SGMS1: variants seen among roughly 807,000 people sequenced by gnomAD.
SGMS1 encodes the protein sphingomyelin synthase 1, also known as phosphatidylcholine:ceramide cholinephosphotransferase 1.
A neutral mutation model predicts 46.2 loss-of-function variants in SGMS1; 13 were observed. That is an observed-to-expected ratio of 0.28 (90% confidence interval 0.18 to 0.45). The LOEUF (loss-of-function observed/expected upper bound fraction) is 0.45, where lower values mean the gene tolerates loss of function less well. Ranked by LOEUF, SGMS1 falls within the 20% of genes least tolerant of loss-of-function variation. SGMS1 has a pLI of 1.00. For missense variants in SGMS1, 324 were observed against 519.9 expected, an observed-to-expected ratio of 0.62 and a Z score of 3.66; for synonymous variants, 203 against 187.8, an observed-to-expected ratio of 1.08 and a Z score of -0.66.
chr10:50,583,959 C>G (rs567837255), intron 2 of SGMS1, among the ~76,000 whole-genome samples: 1 of 152,168 alleles, frequency 6.6e-6, no homozygotes, highest in Non-Finnish European at 1.5e-5. Context: ...TGCCACAGAA[C>G]AAGGAATCTG....
intron 8 of SGMS1, among the ~76,000 whole-genome samples, chr10:50,316,907 C>T (rs1266389231): frequency 6.6e-6 from 1 of 152,178 alleles, no homozygotes; most frequent in Non-Finnish European, 1.5e-5. Flanking sequence ...TATGCCACTT[C>T]CCCAATTTCA....
intron 8 of SGMS1, among the ~76,000 whole-genome samples, chr10:50,323,581 C>G (rs962850253): frequency 6.6e-6 from 1 of 152,192 alleles, no homozygotes; most frequent in African/African-American, 2.4e-5. Flanking sequence ...TATTTTCCAG[C>G]CTGATGTTTC....
At chr10:50,468,348 G>A (rs1022818780) in intron 3 of SGMS1, among the ~76,000 whole-genome samples, 1 of 152,158 alleles carries the variant, frequency 6.6e-6, no homozygotes, top group Non-Finnish European at 1.5e-5. Flanking sequence ...TACAGAATAT[G>A]CTGTTTTGTC....
At chr10:50,355,399 C>T (rs1474138296) in intron 6 of SGMS1, among the ~76,000 whole-genome samples, 4 of 152,226 alleles carry the variant, frequency 2.6e-5, no homozygotes, top group Non-Finnish European at 5.9e-5. Context: ...CTCAGCCTGC[C>T]CGGTGCCTGG....
chr10:50,587,224 T>G (rs1464305451), intron 2 of SGMS1, among the ~76,000 whole-genome samples: 1 of 128,358 alleles, frequency 7.8e-6, no homozygotes, highest in Non-Finnish European at 1.8e-5. Context: ...ATAAACACAT[T>G]GGAAAATTTT....
rs576133854 is a variant in SGMS1, at chr10:50,344,206, C to T, written c.-92G>A. The T allele has an allele frequency of 1.6e-5, 24 of 1,484,640 alleles. No individual in the cohort carries two copies. The East Asian group carries it at 1.8e-4, about 11-fold the overall frequency. The allele number at this position is 1,484,640 out of a possible 1,614,324, so 92.0% of individuals were successfully genotyped here. A position where few individuals can be genotyped will look rare whatever the true frequency, so the allele number is the denominator to read the frequency against. On this transcript the variant is annotated 5_prime_UTR_variant, in exon 7 of 11. Coordinates refer to ENST00000361781, the MANE Select transcript of SGMS1 (RefSeq NM_147156.4). ...GGCAGGACACTGTCCTGCCTCGGCT[C>T]GTTCATCCTGTGGGGCCTCATGAGC...
intron 1 of SGMS1, among the ~76,000 whole-genome samples, chr10:50,604,623 A>G (rs552060108): frequency 6.6e-6 from 1 of 152,350 alleles, no homozygotes; most frequent in South Asian, 2.1e-4. Flanking sequence ...TATTCTTTGG[A>G]ATGGAGTATT....
chr10:50,397,077 T>G (rs889100089), intron 6 of SGMS1, among the ~76,000 whole-genome samples: 1 of 152,212 alleles, frequency 6.6e-6, no homozygotes, highest in Non-Finnish European at 1.5e-5. Flanking sequence ...AAATGCTTCT[T>G]CTCTTTGCAT....
chr10:50,485,853 T>A (rs1056633521), intron 3 of SGMS1, among the ~76,000 whole-genome samples: 1 of 152,078 alleles, frequency 6.6e-6, no homozygotes, highest in East Asian at 1.9e-4. Flanking sequence ...TGAGCCAAGA[T>A]CCCACTACTG....
intron 3 of SGMS1, among the ~76,000 whole-genome samples, chr10:50,515,628 C>T (rs1837794975): frequency 6.6e-6 from 1 of 152,194 alleles, no homozygotes; most frequent in African/African-American, 2.4e-5. Context: ...AGGCAAAGCT[C>T]ACTCAGGAAG....
intron 6 of SGMS1, among the ~76,000 whole-genome samples, chr10:50,406,270 T>C (rs1849013063): frequency 6.6e-6 from 1 of 152,118 alleles, no homozygotes; most frequent in Admixed American, 6.5e-5. Flanking sequence ...AGAGAGACAT[T>C]GTAGGAAGGA....
intron 3 of SGMS1, among the ~76,000 whole-genome samples, chr10:50,480,155 T>G (rs1387441018): frequency 6.6e-6 from 1 of 152,096 alleles, no homozygotes. Flanking sequence ...CAGTGAGTAC[T>G]ACATGAGAGG....
intron 1 of SGMS1, among the ~76,000 whole-genome samples, chr10:50,592,288 T>C (rs1156300112): frequency 6.6e-6 from 1 of 152,210 alleles, no homozygotes; most frequent in African/African-American, 2.4e-5. Context: ...AATTTAAAAG[T>C]TGTTAACATT....
At chr10:50,317,097 T>C (rs1406848773) in intron 8 of SGMS1, among the ~76,000 whole-genome samples, 1 of 152,102 alleles carries the variant, frequency 6.6e-6, no homozygotes, top group Non-Finnish European at 1.5e-5. Context: ...AAAGACCAGA[T>C]CTGATAAAGG....
intron 6 of SGMS1, among the ~76,000 whole-genome samples, chr10:50,424,912 CA>C (rs55683387): frequency 0.037 from 1,955 of 52,152 alleles, 14 homozygotes; most frequent in Non-Finnish European, 0.048. Context: ...AACTCCGTCT[CA>C]AAAAAAAAAA....
chr10:50,545,363 G>C (rs1231728304), intron 2 of SGMS1, among the ~76,000 whole-genome samples: 5 of 152,178 alleles, frequency 3.3e-5, no homozygotes, highest in Non-Finnish European at 7.4e-5. Context: ...GTCGACTCAT[G>C]GGTTGGTAAG....
chr10:50,366,209 C>A (rs1006509885), intron 6 of SGMS1, among the ~76,000 whole-genome samples: 3 of 151,970 alleles, frequency 2.0e-5, no homozygotes, highest in African/African-American at 7.3e-5. Context: ...CCAGAATCTA[C>A]AAGGAACTTA....
intron 6 of SGMS1, among the ~76,000 whole-genome samples, chr10:50,392,995 TTTTTTTTTTTA>T (rs1848796703): frequency 6.7e-6 from 1 of 150,068 alleles, no homozygotes; most frequent in Non-Finnish European, 1.5e-5. Flanking sequence ...TCCAGAAAGT[TTTTTTTTTTTA>T]ATGAACCAAA....
intron 3 of SGMS1, among the ~76,000 whole-genome samples, chr10:50,495,967 C>T (rs1837611856): frequency 6.6e-6 from 1 of 152,128 alleles, no homozygotes; most frequent in Non-Finnish European, 1.5e-5. Context: ...AAGTCATGTG[C>T]ACGTATTTCC....
Sources: gnomAD v4.1 joint callset for allele counts (sites outside exome capture counted in the v4.1 genomes callset) on GRCh38, gnomAD v4.1.1 for gene constraint, MANE v1.5 for transcripts, NCBI Gene and HGNC (gene_info 2026-07-23, HGNC 2026-07-21) for gene names.